ADA: variants seen among roughly 807,000 people sequenced by gnomAD.
ADA encodes adenosine deaminase, also known as adenosine aminohydrolase.
In ADA, 45 loss-of-function variants were observed where a neutral mutation model predicts 49.0. That is an observed-to-expected ratio of 0.92 (90% CI 0.72 to 1.18). The LOEUF (loss-of-function observed/expected upper bound fraction) is 1.18. Ranked by LOEUF, ADA falls within the 50% of genes most tolerant of loss-of-function variation. The pLI, the probability that ADA is intolerant of heterozygous loss-of-function variation, is 0.00. For missense variants in ADA, 445 were observed against 472.5 expected (o/e 0.94, Z 0.54); for synonymous variants, 173 against 184.2 (o/e 0.94, Z 0.49).
chr20:44,619,960 A>C (rs976628300), intron 11 of ADA, 113 bp from the exon 12 acceptor site: 1 of 1,398,858 alleles, frequency 7.1e-7, no homozygotes, highest in Non-Finnish European at 1.0e-6. Flanking sequence ...GATGGCAAGA[A>C]GATGCCTTGC....
In ADA at chr20:44,623,000, C is replaced by T. The variant is rs1234323767; in HGVS notation, c.678+7G>A. ...GGAGGGACCCCATGGCCAGCCCAGGCCCTCACCTCTTTTACTACTTCGGCC... is the reference window on the plus strand; with the variant it reads ...GGAGGGACCCCATGGCCAGCCCAGGTCCTCACCTCTTTTACTACTTCGGCC... On this transcript the variant is annotated splice_region_variant and intron_variant, in intron 7 of 11. Coordinates refer to ENST00000372874, the MANE Select transcript of ADA (RefSeq NM_000022.4). The T allele has an allele frequency of 6.2e-7, 1 of 1,614,206 alleles. No individual in the cohort carries two copies. The highest frequency in any genetic ancestry group is 8.5e-7 in the Non-Finnish European group (1 of 1,180,036).
At chr20:44,632,489 G>C (rs1307621058) in intron 2 of ADA, among the ~76,000 whole-genome samples, 1 of 152,152 alleles carries the variant, frequency 6.6e-6, no homozygotes, top group Non-Finnish European at 1.5e-5. Context: ...GTGGGGGCCC[G>C]ACAGGAGACA....
At chr20:44,646,821 G>A (rs2065596765) in intron 1 of ADA, among the ~76,000 whole-genome samples, 1 of 151,726 alleles carries the variant, frequency 6.6e-6, no homozygotes, top group Non-Finnish European at 1.5e-5. Flanking sequence ...GCATAAAGTG[G>A]AATTGGCAAA....
intron 1 of ADA, among the ~76,000 whole-genome samples, chr20:44,648,714 T>C (rs1391582962): frequency 1.3e-5 from 2 of 151,878 alleles, no homozygotes; most frequent in Admixed American, 6.6e-5. Flanking sequence ...TTGGAGTCAA[T>C]AGGGGTCCCG....
intron 2 of ADA, among the ~76,000 whole-genome samples, chr20:44,632,439 C>G (rs2065442068): frequency 6.6e-6 from 1 of 152,120 alleles, no homozygotes; most frequent in South Asian, 2.1e-4. Context: ...GCGTGGGAAA[C>G]AAATTGGAGG....
intron 1 of ADA, 140 bp downstream of exon 1, chr20:44,651,435 G>A (rs905227557): frequency 9.3e-5 from 81 of 872,964 alleles, no homozygotes; most frequent in Non-Finnish European, 1.6e-5. Context: ...AGCAAGCCAC[G>A]GCCTAAGCCG....
rs372271114 is a variant in ADA at position 44,649,956 on chromosome 20, C to T, written c.33+1619G>A. On this transcript the variant is annotated intron_variant, in intron 1 of 11. Transcript: ENST00000372874. ...TTTGCCATGTTGGCCAGGCTGGTCTCGAACTCCTGGCCTCATGATCCACCC... is the reference window on the plus strand; with the variant it reads ...TTTGCCATGTTGGCCAGGCTGGTCTTGAACTCCTGGCCTCATGATCCACCC... Among the ~76,000 whole-genome samples the T allele has an allele frequency of 1.6e-4, 25 of 152,206 alleles. No individual in the cohort carries two copies. In the South Asian group the frequency reaches 4.6e-3, roughly 28 times the overall value.
At chr20:44,621,800 G>A (rs2065334815) in intron 9 of ADA, among the ~76,000 whole-genome samples, 1 of 151,892 alleles carries the variant, frequency 6.6e-6, no homozygotes, top group East Asian at 1.9e-4. Context: ...CACCTCCTGG[G>A]GCCACTGCTT....
In ADA at chr20:44,621,053, C is replaced by A. The variant is rs923650787; in HGVS notation, c.940G>T (p.Asp314Tyr). 2.5e-6 allele frequency: 4 copies of A among 1,614,034 alleles called. No homozygotes were observed. The African/African-American group carries it at 4.0e-5, about 16-fold the overall frequency. The change falls in exon 10 of 12, where the codon GAC (aspartate) becomes TAC (tyrosine). Residue 314 changes from aspartate to tyrosine, a missense_variant. Asp to Tyr is a radical substitution (Grantham distance 160). Transcript: ENST00000372874. ...AACTCCTCTTCAGTAAAGCCCATGT[C>A]CCGTTTGGTCATCTGGTAATCAGTG... ...LDTDYQMTKR[D>Y]MGFTEEEFKR...
chr20:44,650,979 G>C (rs1024014309), intron 1 of ADA, among the ~76,000 whole-genome samples: 1 of 152,170 alleles, frequency 6.6e-6, no homozygotes, highest in African/African-American at 2.4e-5. Context: ...GCTTGGCCTC[G>C]AGTGAACCCT....
At chr20:44,637,652 C>T (rs1006899988) in intron 1 of ADA, among the ~76,000 whole-genome samples, 3 of 152,256 alleles carry the variant, frequency 2.0e-5, no homozygotes, top group South Asian at 2.1e-4. Flanking sequence ...GGCCCAAGGG[C>T]GTCTAGGAGC....
At chr20:44,648,270 T>G (rs1248019929) in intron 1 of ADA, among the ~76,000 whole-genome samples, 1 of 152,080 alleles carries the variant, frequency 6.6e-6, no homozygotes, top group East Asian at 1.9e-4. Flanking sequence ...GGTGGGGGTA[T>G]GGGAGGCACA....
At chr20:44,641,760 TTTGTTG>T (rs1209391001) in intron 1 of ADA, among the ~76,000 whole-genome samples, 1 of 151,222 alleles carries the variant, frequency 6.6e-6, no homozygotes. Context: ...CATTTATTTA[TTTGTTG>T]TTGTTGTTTT....
At chr20:44,629,010 A>G (rs1272096072) in intron 3 of ADA, 37 bp downstream of exon 3, 7 of 1,613,830 alleles carry the variant, frequency 4.3e-6, no homozygotes, top group Middle Eastern at 1.6e-4. Flanking sequence ...ATAGGGATCA[A>G]TGCTGCCCTA....
chr20:44,623,809 A>G (rs11698497), intron 6 of ADA: 24 of 309,952 alleles, frequency 7.7e-5, no homozygotes, highest in Non-Finnish European at 1.5e-4. Context: ...GTGCAGTCGC[A>G]TTATCACAGC....
chr20:44,629,398 A>C (rs1600928001), intron 2 of ADA, among the ~76,000 whole-genome samples: 1 of 151,902 alleles, frequency 6.6e-6, no homozygotes, highest in South Asian at 2.1e-4. Flanking sequence ...GCAAATCTCA[A>C]GGGGGATAAA....
At chr20:44,646,904 A>G (rs563472118) in intron 1 of ADA, among the ~76,000 whole-genome samples, 38 of 152,130 alleles carry the variant, frequency 2.5e-4, no homozygotes, top group African/African-American at 9.2e-4. Flanking sequence ...GCTGCTTGCC[A>G]GCTGTGTGAC....
chr20:44,624,159 C>T, intron 6 of ADA, 43 bp downstream of exon 6: 1 of 1,573,322 alleles, frequency 6.4e-7, no homozygotes, highest in Non-Finnish European at 8.6e-7. Flanking sequence ...GGGAGACAAG[C>T]TCACCCAGGG....
At chr20:44,645,164 C>T (rs2065577656) in intron 1 of ADA, among the ~76,000 whole-genome samples, 1 of 151,922 alleles carries the variant, frequency 6.6e-6, no homozygotes, top group Non-Finnish European at 1.5e-5. Context: ...GGGTGGATCA[C>T]TTGAGGCCAG....
Sources: gnomAD v4.1 joint callset for allele counts (sites outside exome capture counted in the v4.1 genomes callset) on GRCh38, gnomAD v4.1.1 for gene constraint, MANE v1.5 for transcripts, NCBI Gene and HGNC (gene_info 2026-07-23, HGNC 2026-07-21) for gene names.